Variants in ELAVL3 observed in about 807,000 individuals in gnomAD.
ELAVL3 encodes the protein ELAV-like protein 3.
In ELAVL3, 8 loss-of-function variants were observed where a neutral mutation model predicts 34.2. That is an observed-to-expected ratio of 0.23 (90% CI 0.14 to 0.42). ELAVL3 has a LOEUF of 0.42. Ranked by LOEUF, ELAVL3 falls within the 10% of genes least tolerant of loss-of-function variation. The pLI is 1.00. For missense variants in ELAVL3, 273 were observed against 518.8 expected, an observed-to-expected ratio of 0.53 and a Z score of 4.60; for synonymous variants, 209 against 222.1, an observed-to-expected ratio of 0.94 and a Z score of 0.53.
intron 1 of ELAVL3, among the ~76,000 whole-genome samples, chr19:11,467,185 A>G (rs1044397862): frequency 6.6e-6 from 1 of 152,108 alleles, no homozygotes; most frequent in Non-Finnish European, 1.5e-5. Flanking sequence ...CACTTTGGGA[A>G]GCTGAGGCGG....
rs536447423 is a variant in ELAVL3 at position 11,471,321 on chromosome 19, T to A, written c.10-4494A>T. 5.7e-4 allele frequency among the ~76,000 whole-genome samples: 67 copies of A among 116,856 alleles called. 1 individual carries two copies. The South Asian group carries it at 0.011, about 19-fold the overall frequency. The allele number at this position is 116,856 out of a possible 152,430, so 76.7% of individuals were successfully genotyped here. A position where few individuals can be genotyped will look rare whatever the true frequency, so the allele number is the denominator to read the frequency against. ...TGAGACTCCATCTCAAAAAAAAAAATTTTTTTTTTTGAGCCAGGCGCAGTG... is the reference window on the plus strand; with the variant it reads ...TGAGACTCCATCTCAAAAAAAAAAAATTTTTTTTTTGAGCCAGGCGCAGTG... On this transcript the variant is annotated intron_variant, in intron 1 of 6. Coordinates refer to ENST00000359227, the MANE Select transcript of ELAVL3 (RefSeq NM_001420.4).
chr19:11,464,745 T>C (rs1380380734), intron 3 of ELAVL3, among the ~76,000 whole-genome samples: 407 of 55,470 alleles, frequency 7.3e-3, no homozygotes, highest in African/African-American at 9.7e-3. Context: ...ACCACACACA[T>C]ACACCACACA....
At chr19:11,477,629 A>G (rs182034545) in intron 1 of ELAVL3, among the ~76,000 whole-genome samples, 6 of 151,678 alleles carry the variant, frequency 4.0e-5, no homozygotes, top group Admixed American at 2.6e-4. Context: ...GATATTTGCT[A>G]TAAGAGCCCA....
At position 11,480,274 on chromosome 19, in the gene ELAVL3, G is replaced by C; in HGVS notation, c.9+326C>G. Reference sequence around the variant, plus strand: ...TGGGCGGCCTGCGGGGTCTGGGCCTGGATGGAGGAAGCATCCTTAGCCGCC... The same window carrying C: ...TGGGCGGCCTGCGGGGTCTGGGCCTCGATGGAGGAAGCATCCTTAGCCGCC... On this transcript the variant is annotated intron_variant, in intron 1 of 6. Coordinates refer to ENST00000359227, the MANE Select transcript of ELAVL3 (RefSeq NM_001420.4). This position sits in a 1 kb window ranked among gnomAD's most constrained non-coding sequence, Gnocchi z 6.8. 1 of 322,062 alleles carries C rather than the reference G, an allele frequency of 3.1e-6. No individual in the cohort carries two copies. The allele number at this position is 322,062 out of a possible 1,614,324, so 20.0% of individuals were successfully genotyped here. A position where few individuals can be genotyped will look rare whatever the true frequency, so the allele number is the denominator to read the frequency against.
At chr19:11,467,736 C>T (rs948831184) in intron 1 of ELAVL3, among the ~76,000 whole-genome samples, 9 of 151,738 alleles carry the variant, frequency 5.9e-5, no homozygotes, top group Admixed American at 3.3e-4. Flanking sequence ...CACCCACCTC[C>T]GCCTCCCAAT....
At chr19:11,475,498 C>T (rs961419772) in intron 1 of ELAVL3, among the ~76,000 whole-genome samples, 5 of 151,900 alleles carry the variant, frequency 3.3e-5, no homozygotes, top group Non-Finnish European at 7.4e-5. Context: ...GAGATGGGAT[C>T]TTGCTATGTT....
At chr19:11,479,911 G>C (rs1971340584) in intron 1 of ELAVL3, among the ~76,000 whole-genome samples, 1 of 151,702 alleles carries the variant, frequency 6.6e-6, no homozygotes, top group Admixed American at 6.6e-5. Context: ...GGAGACCCGG[G>C]AGCCCAGAGG....
In ELAVL3 at chr19:11,458,035, G is replaced by C. The variant is rs1420419852; in HGVS notation, c.713+26C>G. 6.2e-7 allele frequency: 1 copy of C among 1,604,460 alleles called. No homozygotes were observed. The highest frequency in any genetic ancestry group is 8.5e-7 in the Non-Finnish European group (1 of 1,177,586). Reference sequence around the variant, plus strand: ...GCAAGCTTGGGGGCACCCGGCCTGGGGCCATCTGGCTGGCAGGGGGCTCAC... The same window carrying C: ...GCAAGCTTGGGGGCACCCGGCCTGGCGCCATCTGGCTGGCAGGGGGCTCAC... On this transcript the variant is annotated intron_variant, in intron 5 of 6. Coordinates refer to ENST00000359227, the MANE Select transcript of ELAVL3 (RefSeq NM_001420.4). The surrounding 1 kb of genome is among the most constrained non-coding windows in gnomAD (Gnocchi z 7.3).
chr19:11,466,517 G>A lies in ELAVL3; in HGVS notation c.229+91C>T. 7.0e-7 allele frequency: 1 copy of A among 1,434,588 alleles called. No homozygotes were observed. Among genetic ancestry groups the A allele is most frequent in the Non-Finnish European group, 9.7e-7 (1 of 1,035,576 alleles). 88.9% of individuals were successfully genotyped at this position (1,434,588 alleles called of 1,614,324 possible). On this transcript the variant is annotated intron_variant, in intron 2 of 6. Transcript: ENST00000359227. This position sits in a 1 kb window ranked among gnomAD's most constrained non-coding sequence, Gnocchi z 5.0. The stretch of plus-strand genomic sequence containing the variant: ...CACCTCCTGCCTCGATTACCCCCGA[G>A]ACACCTCAGCAAGGGTCCCACCTGC...
In ELAVL3 at chr19:11,454,741, C is replaced by T; in HGVS notation, c.889G>A (p.Glu297Lys). The T allele has an allele frequency of 6.2e-7, 1 of 1,614,174 alleles. No homozygotes were observed. Among genetic ancestry groups the T allele is most frequent in the Non-Finnish European group, 8.5e-7 (1 of 1,180,008 alleles). ...CCGAACAGCTGCCACAGCACGCTCT[C>T]GTCTGCCTCCGGTGACAGGTTGTAC... Reference protein sequence around the residue: ...FVYNLSPEADESVLWQLFGPF... With the variant: ...FVYNLSPEADKSVLWQLFGPF... Residue 297 changes from glutamate (E) to lysine (K), a missense_variant, in exon 7 of 7, where the codon GAG becomes AAG. Glu to Lys is a moderately conservative substitution (Grantham distance 56). This residue lies in a region of ELAVL3 where 52 missense variants were observed against 119.6 expected (regional missense o/e 0.43). Coordinates refer to ENST00000359227, the MANE Select transcript of ELAVL3 (RefSeq NM_001420.4). The surrounding 1 kb of genome is among the most constrained non-coding windows in gnomAD (Gnocchi z 9.2).
At chr19:11,457,978 C>A in intron 5 of ELAVL3, 83 bp downstream of exon 5, 1 of 1,450,404 alleles carries the variant, frequency 6.9e-7, no homozygotes, top group Non-Finnish European at 9.5e-7. Flanking sequence ...CGGCATCCCT[C>A]CCTTCGGCAG....
chr19:11,477,590 T>C (rs1671825), intron 1 of ELAVL3, among the ~76,000 whole-genome samples: 22,076 of 151,994 alleles, frequency 0.15, 4,287 homozygotes, highest in African/African-American at 0.45. Context: ...TTTAAGCTCA[T>C]TGAGGTAAGA....
chr19:11,475,761 G>A (rs896895193), intron 1 of ELAVL3, among the ~76,000 whole-genome samples: 23 of 151,878 alleles, frequency 1.5e-4, no homozygotes, highest in African/African-American at 2.9e-4. Context: ...CCACAGGCGC[G>A]CACCACCATG....
chr19:11,454,329 G>A lies in ELAVL3; in HGVS notation c.*197C>T, dbSNP rs1970720197. 1.7e-6 allele frequency: 1 copy of A among 585,252 alleles called. No homozygotes were observed. The highest frequency in any genetic ancestry group is 3.0e-6 in the Non-Finnish European group (1 of 334,916). 36.3% of individuals were successfully genotyped at this position (585,252 alleles called of 1,614,324 possible). On this transcript the variant is annotated 3_prime_UTR_variant, in exon 7 of 7. Transcript: ENST00000359227. The surrounding 1 kb of genome is among the most constrained non-coding windows in gnomAD (Gnocchi z 9.2). ...AGGAGGATGGGGCGGGGGATCCCCG[G>A]GCACCCCCCCAATTCCCTGCAGACC...
In ELAVL3 at chr19:11,454,895, C is replaced by A. The variant is rs752885763; in HGVS notation, c.753-18G>T. ...ACAGGGGACTACTTTGGGGGTCACG[C>A]GGGCTCTGCCCTGACCCCCCGCATG... is the stretch of plus-strand genomic sequence containing the variant. On this transcript the variant is annotated intron_variant, in intron 6 of 6. Transcript: ENST00000359227. This position sits in a 1 kb window ranked among gnomAD's most constrained non-coding sequence, Gnocchi z 9.2. The A allele has an allele frequency of 1.3e-6, 2 of 1,579,750 alleles. No individual in the cohort carries two copies. Among genetic ancestry groups the A allele is most frequent in the South Asian group, 1.1e-5 (1 of 87,770 alleles).
In ELAVL3 at chr19:11,462,294, G is replaced by GAA. The variant is rs200980002; in HGVS notation, c.334-3685_334-3684dup. ...AATTTTGTGCACCTGGGGTTCTCCA[G>GAA]AAAAAAAAATCACATCAGCCATTGT... On this transcript the variant is annotated intron_variant, in intron 3 of 6. Coordinates refer to ENST00000359227, the MANE Select transcript of ELAVL3 (RefSeq NM_001420.4). Among the ~76,000 whole-genome samples the GAA allele has an allele frequency of 2.1e-3, 312 of 150,910 alleles. 6 individuals carry two copies. The highest frequency in any genetic ancestry group is 0.013 in the South Asian group (60 of 4,788).
At chr19:11,467,293 A>G (rs1971074373) in intron 1 of ELAVL3, among the ~76,000 whole-genome samples, 1 of 151,674 alleles carries the variant, frequency 6.6e-6, no homozygotes, top group Non-Finnish European at 1.5e-5. Context: ...GTGGTGGCGC[A>G]TGCCTGTAAT....
At chr19:11,460,918 A>C (rs955439851) in intron 3 of ELAVL3, among the ~76,000 whole-genome samples, 36 of 151,794 alleles carry the variant, frequency 2.4e-4, no homozygotes, top group Non-Finnish European at 5.3e-4. Context: ...CTGGAAGTTC[A>C]AGGCAGGAGG....
chr19:11,469,706 T>A (rs537705048), intron 1 of ELAVL3, among the ~76,000 whole-genome samples: 162 of 152,364 alleles, frequency 1.1e-3, no homozygotes, highest in Non-Finnish European at 1.9e-3. Context: ...TTTAGCATTT[T>A]TTTACATATA....
Sources: gnomAD v4.1 joint callset for allele counts (sites outside exome capture counted in the v4.1 genomes callset) on GRCh38, gnomAD v4.1.1 for gene constraint, gnomAD v4.1.1 regional missense constraint, Gnocchi (gnomAD v3.1) non-coding constraint, MANE v1.5 for transcripts, NCBI Gene and HGNC (gene_info 2026-07-23, HGNC 2026-07-21) for gene names.